Variants in PRKAA1 observed in about 807,000 individuals in gnomAD.
PRKAA1 encodes 5'-AMP-activated protein kinase catalytic subunit alpha-1.
A neutral mutation model predicts 56.9 loss-of-function variants in PRKAA1; 23 were observed. The observed-to-expected ratio is 0.40, with a 90% CI of 0.29 to 0.57. The LOEUF is 0.57. Ranked by LOEUF, PRKAA1 falls within the 20% of genes least tolerant of loss-of-function variation. The pLI, the probability that PRKAA1 is intolerant of heterozygous loss-of-function variation, is 0.39. For missense variants in PRKAA1, 413 were observed against 679.7 expected (o/e 0.61, Z 4.36); for synonymous variants, 226 against 227.0 (o/e 1.00, Z 0.04).
At chr5:40,771,461 C>T (rs1290854406) in intron 4 of PRKAA1, among the ~76,000 whole-genome samples, 2 of 152,172 alleles carry the variant, frequency 1.3e-5, no homozygotes, top group African/African-American at 2.4e-5. Flanking sequence ...ATGATCACGT[C>T]GCTGCCCTCC....
intron 1 of PRKAA1, among the ~76,000 whole-genome samples, chr5:40,780,780 C>G (rs1579741746): frequency 6.6e-6 from 1 of 152,162 alleles, no homozygotes; most frequent in African/African-American, 2.4e-5. Context: ...TCTGGGCCCC[C>G]AGCAGATTTA....
rs1164212120 is a variant in PRKAA1 at position 40,761,941 on chromosome 5, T to TA, written c.*836dup. The TA allele has an allele frequency of 3.9e-5, 6 of 152,214 alleles. No homozygotes were observed. The highest frequency in any genetic ancestry group is 1.2e-4 in the African/African-American group (5 of 41,454). The allele number at this position is 152,214 out of a possible 1,614,324, so 9.4% of individuals were successfully genotyped here. On this transcript the variant is annotated 3_prime_UTR_variant, in exon 9 of 9. Coordinates refer to ENST00000397128, the MANE Select transcript of PRKAA1 (RefSeq NM_006251.6). ...AAAATGAAATTTAAATTAGGTCTGA[T>TA]ATCTGATATGACTTACCATACACTA...
intron 1 of PRKAA1, 130 bp downstream of exon 1, chr5:40,797,933 G>T (rs998342346): frequency 1.4e-6 from 2 of 1,437,136 alleles, no homozygotes; most frequent in Non-Finnish European, 1.9e-6. Flanking sequence ...GCTCCCGCAG[G>T]ATCCGGGACA....
At chr5:40,796,038 C>G (rs372872162) in intron 1 of PRKAA1, among the ~76,000 whole-genome samples, 1 of 152,200 alleles carries the variant, frequency 6.6e-6, no homozygotes, top group Admixed American at 6.5e-5. Context: ...CAGACCTGGC[C>G]GGGCACAGTG....
chr5:40,793,787 C>A lies in PRKAA1; in HGVS notation c.127+4276G>T, dbSNP rs186043283. On this transcript the variant is annotated intron_variant, in intron 1 of 8. Transcript: ENST00000397128. ...TGTGTAGGTGTCTACCCTGTCCCCC[C>A]ACACTATCCAAGTACTTAGAAGATG... Among the ~76,000 whole-genome samples the A allele has an allele frequency of 4.0e-3, 604 of 152,210 alleles. 7 individuals are homozygous for A. The highest frequency in any genetic ancestry group is 0.014 in the African/African-American group (569 of 41,526).
chr5:40,783,185 AT>A (rs1579745421), intron 1 of PRKAA1, among the ~76,000 whole-genome samples: 1 of 152,294 alleles, frequency 6.6e-6, no homozygotes, highest in East Asian at 1.9e-4. Flanking sequence ...GATGAAAAAA[AT>A]GTGCATAAAT....
chr5:40,795,008 T>TACACACAC (rs201435537), intron 1 of PRKAA1, among the ~76,000 whole-genome samples: 3 of 149,948 alleles, frequency 2.0e-5, no homozygotes, highest in Non-Finnish European at 3.0e-5. Context: ...TACATATATA[T>TACACACAC]ACACACACAC....
chr5:40,790,422 G>A (rs751686714), intron 1 of PRKAA1, among the ~76,000 whole-genome samples: 1 of 152,096 alleles, frequency 6.6e-6, no homozygotes, highest in Non-Finnish European at 1.5e-5. Context: ...TATTTAGCAG[G>A]ATAGGGCTTT....
In PRKAA1 at chr5:40,760,107, A is replaced by C. The variant is rs1480778614; in HGVS notation, c.*2671T>G. 6.5e-6 allele frequency: 1 copy of C among 152,800 alleles called. No homozygotes were observed. Among genetic ancestry groups the C allele is most frequent in the Non-Finnish European group, 1.5e-5 (1 of 68,030 alleles). 9.5% of individuals were successfully genotyped at this position (152,800 alleles called of 1,614,324 possible). On this transcript the variant is annotated 3_prime_UTR_variant, in exon 9 of 9. Transcript: ENST00000397128. Reference sequence around the variant, plus strand: ...AAACTGCTGAAAAGATAATAAAAAAAGATTAAAAATCATTTGCATTGCCTC... The same window carrying C: ...AAACTGCTGAAAAGATAATAAAAAACGATTAAAAATCATTTGCATTGCCTC...
intron 5 of PRKAA1, 85 bp from the exon 6 acceptor site, chr5:40,767,775 T>C: frequency 8.7e-7 from 1 of 1,150,862 alleles, no homozygotes; most frequent in Admixed American, 2.4e-5. Context: ...GGATATTTCA[T>C]AAAGAATTCT....
At chr5:40,783,419 C>A (rs13167906) in intron 1 of PRKAA1, among the ~76,000 whole-genome samples, 24,931 of 152,002 alleles carry the variant, frequency 0.16, 2,683 homozygotes, top group Middle Eastern at 0.27. Context: ...CCACTGTGAT[C>A]CTTTTTGAAT....
chr5:40,787,199 C>T (rs1348017883), intron 1 of PRKAA1, among the ~76,000 whole-genome samples: 1 of 151,952 alleles, frequency 6.6e-6, no homozygotes, highest in Admixed American at 6.6e-5. Context: ...GGCGCGGTGG[C>T]TCACACCTGT....
At chr5:40,768,620 A>G (rs1025480117) in intron 5 of PRKAA1, 55 of 1,080,254 alleles carry the variant, frequency 5.1e-5, no homozygotes, top group Non-Finnish European at 6.2e-5. Context: ...CATTTCTTTG[A>G]GCAGTCTAGG....
rs1344489723 is a variant in PRKAA1, at chr5:40,764,976, G to C, written c.1084C>G (p.Leu362Val). 11 of 1,614,082 alleles carry C rather than the reference G, an allele frequency of 6.8e-6. No homozygotes were observed. Among genetic ancestry groups the C allele is most frequent in the Non-Finnish European group, 9.3e-6 (11 of 1,180,028 alleles). Residue 362 changes from leucine (L) to valine (V), a missense_variant, in exon 7 of 9, where the codon CTT becomes GTT. By Grantham distance (32) the Leu-to-Val change is conservative. Coordinates refer to ENST00000397128, the MANE Select transcript of PRKAA1 (RefSeq NM_006251.6). ...YLATSPPDSFLDDHHLTRPHP... is the reference protein window; with the variant it reads ...YLATSPPDSFVDDHHLTRPHP... ...GGCCGAGTCAGGTGATGATCATCAA[G>C]AAAAGAATCAGGTGGGCTTGTCGCC...
At chr5:40,767,717 A>G (rs1405405668) in intron 5 of PRKAA1, 27 bp from the exon 6 acceptor site, 1 of 1,534,532 alleles carries the variant, frequency 6.5e-7, no homozygotes, top group South Asian at 1.2e-5. Context: ...CAATTGGATT[A>G]AAGAATCATT....
intron 1 of PRKAA1, among the ~76,000 whole-genome samples, chr5:40,794,107 A>T (rs950576804): frequency 2.0e-5 from 3 of 151,912 alleles, no homozygotes; most frequent in African/African-American, 7.3e-5. Flanking sequence ...TCTCCAAAAA[A>T]AAAAAAAAGT....
chr5:40,786,145 C>T, intron 1 of PRKAA1, among the ~76,000 whole-genome samples: 1 of 151,800 alleles, frequency 6.6e-6, no homozygotes, highest in East Asian at 1.9e-4. Flanking sequence ...GTCCCAGCTA[C>T]TTGAGAGACT....
chr5:40,790,760 A>G (rs1744686973), intron 1 of PRKAA1, among the ~76,000 whole-genome samples: 1 of 151,988 alleles, frequency 6.6e-6, no homozygotes, highest in African/African-American at 2.4e-5. Context: ...GGATGGTCTC[A>G]ATATCTTGAG....
rs549459484 is a variant in PRKAA1 at position 40,760,634 on chromosome 5, C to G, written c.*2144G>C. On this transcript the variant is annotated 3_prime_UTR_variant, in exon 9 of 9. Transcript: ENST00000397128. Reference sequence around the variant, plus strand: ...TAAATGGAACTTCTATTACTTTGTACAGCTTTCAAATTAGAAGTTGAATAG... The same window carrying G: ...TAAATGGAACTTCTATTACTTTGTAGAGCTTTCAAATTAGAAGTTGAATAG... 1 of 152,790 alleles carries G rather than the reference C, an allele frequency of 6.5e-6. No homozygotes were observed. Among genetic ancestry groups the G allele is most frequent in the South Asian group, 2.1e-4 (1 of 4,828 alleles). The allele number at this position is 152,790 out of a possible 1,614,324, so 9.5% of individuals were successfully genotyped here. A position where few individuals can be genotyped will look rare whatever the true frequency, so the allele number is the denominator to read the frequency against.
Sources: allele counts gnomAD v4.1 joint callset (sites outside exome capture counted in the v4.1 genomes callset), GRCh38; gene constraint gnomAD v4.1.1; transcripts MANE v1.5; gene names NCBI Gene and HGNC (gene_info 2026-07-23, HGNC 2026-07-21).